RARB: variants seen among roughly 807,000 people sequenced by gnomAD.
RARB encodes retinoic acid receptor beta.
RARB carries 17 observed loss-of-function variants against 51.9 expected under a neutral mutation model. The ratio of observed to expected loss-of-function variants is 0.33; its 90% confidence interval spans 0.22 to 0.49. The LOEUF is 0.49. Among genes scored for constraint, RARB ranks in the 20% least tolerant of loss-of-function variants. The pLI is 0.99. For synonymous variants in RARB, 215 were observed against 195.4 expected (o/e 1.10, Z -0.84); for missense variants, 369 against 550.8 (o/e 0.67, Z 3.30).
At chr3:25,008,636 A>C (rs933037147) in intron 2 of RARB, among the ~76,000 whole-genome samples, 1 of 152,110 alleles carries the variant, frequency 6.6e-6, no homozygotes, top group African/African-American at 2.4e-5. Flanking sequence ...TAGTACCTTG[A>C]AACAGGATGA....
At chr3:24,960,443 C>T (rs535733426) in intron 2 of RARB, among the ~76,000 whole-genome samples, 2 of 152,142 alleles carry the variant, frequency 1.3e-5, no homozygotes, top group African/African-American at 4.8e-5. Flanking sequence ...GAGCTCCATT[C>T]TTTTCAATTG....
chr3:25,210,155 A>T (rs893432528), intron 5 of RARB, among the ~76,000 whole-genome samples: 1 of 152,316 alleles, frequency 6.6e-6, no homozygotes, highest in Non-Finnish European at 1.5e-5. Context: ...AGTAGATACT[A>T]GCTAGCAGAA....
chr3:25,290,430 G>A (rs1232729012), intron 5 of RARB, among the ~76,000 whole-genome samples: 1 of 152,084 alleles, frequency 6.6e-6, no homozygotes, highest in Non-Finnish European at 1.5e-5. Flanking sequence ...CTAGCCTCCA[G>A]AACCATGAGA....
chr3:25,456,446 A>G lies in RARB; in HGVS notation c.158-4747A>G, dbSNP rs568371529. Among the ~76,000 whole-genome samples the G allele has an allele frequency of 7.9e-5, 12 of 152,056 alleles. No individual in the cohort carries two copies. The South Asian group carries it at 1.9e-3, about 24-fold the overall frequency. On this transcript the variant is annotated intron_variant, in intron 1 of 7. Coordinates refer to ENST00000330688, the MANE Select transcript of RARB (RefSeq NM_000965.5). ...AGGCAAGAGATTGCATTAAAGTACA[A>G]ATCTTTTATATTGATGCCATATCCT... is the stretch of plus-strand genomic sequence containing the variant.
chr3:25,351,680 T>G (rs1173149727), intron 5 of RARB, among the ~76,000 whole-genome samples: 1 of 152,186 alleles, frequency 6.6e-6, no homozygotes, highest in Non-Finnish European at 1.5e-5. Flanking sequence ...GCATTTTAAA[T>G]ATTTCTGTTG....
intron 2 of RARB, among the ~76,000 whole-genome samples, chr3:25,022,165 G>A (rs964259332): frequency 3.9e-5 from 6 of 152,154 alleles, no homozygotes; most frequent in African/African-American, 7.2e-5. Flanking sequence ...GAAAAGTAAC[G>A]AAATCGTAAA....
chr3:25,173,598 A>C (rs1285973825), intron 4 of RARB, among the ~76,000 whole-genome samples: 1 of 152,240 alleles, frequency 6.6e-6, no homozygotes, highest in African/African-American at 2.4e-5. Flanking sequence ...CATATAAAAG[A>C]AGTAAAATTT....
chr3:25,592,333 T>C (rs1222089278), intron 5 of RARB, among the ~76,000 whole-genome samples: 1 of 152,332 alleles, frequency 6.6e-6, no homozygotes, highest in Non-Finnish European at 1.5e-5. Flanking sequence ...TTCTTCAACC[T>C]CCTGAGTTAT....
chr3:24,958,632 G>A (rs1437870286), intron 2 of RARB, among the ~76,000 whole-genome samples: 2 of 152,144 alleles, frequency 1.3e-5, no homozygotes, highest in Non-Finnish European at 2.9e-5. Flanking sequence ...AAACCTCATG[G>A]AGGTAACCAC....
At chr3:25,505,789 G>T (rs1033048723) in intron 3 of RARB, among the ~76,000 whole-genome samples, 5 of 152,060 alleles carry the variant, frequency 3.3e-5, no homozygotes, top group Non-Finnish European at 7.4e-5. Context: ...CTGGTGGCGT[G>T]GGAGGTTTGT....
Position 25,244,017 on chromosome 3 carries a change from C to A in RARB, c.178+69442C>A, listed in dbSNP as rs531587363. Reference sequence around the variant, plus strand: ...GTTATTAGTCTGTTCAGGTATTTGACTTCTTCCTGGTTTAGTCTTGGAAAG... The same window carrying A: ...GTTATTAGTCTGTTCAGGTATTTGAATTCTTCCTGGTTTAGTCTTGGAAAG... On this transcript the variant is annotated intron_variant, in intron 5 of 11. Coordinates refer to the RARB transcript ENST00000383772. 3.9e-5 allele frequency among the ~76,000 whole-genome samples: 6 copies of A among 152,182 alleles called. No individual in the cohort carries two copies. The East Asian group carries it at 1.2e-3, about 29-fold the overall frequency.
At chr3:25,423,777 A>C (rs1707919468), upstream of RARB, among the ~76,000 whole-genome samples, 1 of 152,262 alleles carries the variant, frequency 6.6e-6, no homozygotes, top group Non-Finnish European at 1.5e-5. Context: ...AATGTAAACA[A>C]GATGAAATAG....
chr3:24,907,179 G>A (rs867551423), intron 2 of RARB, among the ~76,000 whole-genome samples: 2 of 152,242 alleles, frequency 1.3e-5, no homozygotes, highest in South Asian at 4.1e-4. Flanking sequence ...AACCCCTGAG[G>A]AACCAGATTA....
chr3:25,539,780 A>G (rs1172599587), intron 3 of RARB, among the ~76,000 whole-genome samples: 3 of 151,948 alleles, frequency 2.0e-5, no homozygotes, highest in African/African-American at 4.8e-5. Context: ...CTAAGACTGC[A>G]TTACTTATTT....
At chr3:25,141,505 A>G (rs2125337127) in intron 4 of RARB, among the ~76,000 whole-genome samples, 1 of 152,264 alleles carries the variant, frequency 6.6e-6, no homozygotes, top group Middle Eastern at 3.4e-3. Flanking sequence ...ATCCATGGAA[A>G]TCTTGCCTCC....
At chr3:25,065,155 T>A (rs1364127417) in intron 3 of RARB, among the ~76,000 whole-genome samples, 2 of 152,002 alleles carry the variant, frequency 1.3e-5, no homozygotes, top group Non-Finnish European at 2.9e-5. Flanking sequence ...GAGTCACTTC[T>A]ACATTATTGT....
chr3:25,132,802 G>A (rs974335999), intron 4 of RARB, among the ~76,000 whole-genome samples: 4 of 151,760 alleles, frequency 2.6e-5, no homozygotes, highest in Admixed American at 6.6e-5. Flanking sequence ...ATTCCACAAT[G>A]TGTATATGTA....
intron 5 of RARB, among the ~76,000 whole-genome samples, chr3:25,355,750 T>C (rs1391058198): frequency 6.6e-6 from 1 of 152,092 alleles, no homozygotes; most frequent in Non-Finnish European, 1.5e-5. Flanking sequence ...ACCTCATAAT[T>C]AGCTAAAATA....
intron 2 of RARB, among the ~76,000 whole-genome samples, chr3:24,905,587 A>G (rs1183313031): frequency 6.6e-6 from 1 of 152,204 alleles, no homozygotes; most frequent in Non-Finnish European, 1.5e-5. Flanking sequence ...CCTGATTTAA[A>G]AAAGGAAAAG....
Sources: allele counts gnomAD v4.1 joint callset (sites outside exome capture counted in the v4.1 genomes callset), GRCh38; gene constraint gnomAD v4.1.1; transcripts MANE v1.5; gene names NCBI Gene and HGNC (gene_info 2026-07-23, HGNC 2026-07-21).